The following OSBPL1A variants were observed in gnomAD, a reference collection of about 807,000 sequenced individuals.
OSBPL1A encodes oxysterol binding protein like 1A.
A neutral mutation model predicts 137.1 loss-of-function variants in OSBPL1A; 80 were observed. The observed-to-expected ratio is 0.58, with a 90% confidence interval of 0.49 to 0.70. The LOEUF is 0.70. OSBPL1A is among the 30% of genes least tolerant of loss of function. The pLI, the probability that OSBPL1A is intolerant of heterozygous loss-of-function variation, is 0.00. For missense variants in OSBPL1A, 970 were observed against 1,129.4 expected, an observed-to-expected ratio of 0.86 and a Z score of 2.02; for synonymous variants, 365 against 389.7, an observed-to-expected ratio of 0.94 and a Z score of 0.75.
At chr18:24,198,647 G>A (rs758496337) in intron 17 of OSBPL1A, among the ~76,000 whole-genome samples, 1 of 151,754 alleles carries the variant, frequency 6.6e-6, no homozygotes, top group Non-Finnish European at 1.5e-5. Flanking sequence ...GAGAAACACC[G>A]GCCCACGAGA....
chr18:24,166,828 T>C, intron 25 of OSBPL1A, 126 bp from the exon 26 acceptor site: 1 of 971,660 alleles, frequency 1.0e-6, no homozygotes. Flanking sequence ...ATGGTCAGTC[T>C]TTCTCAGATC....
chr18:24,230,877 T>C (rs760165700), intron 16 of OSBPL1A, among the ~76,000 whole-genome samples: 1 of 152,208 alleles, frequency 6.6e-6, no homozygotes, highest in Non-Finnish European at 1.5e-5. Flanking sequence ...ATACTCTTGA[T>C]AAGCACTTAT....
At chr18:24,177,625 A>G (rs183843348) in intron 21 of OSBPL1A, among the ~76,000 whole-genome samples, 9 of 152,362 alleles carry the variant, frequency 5.9e-5, no homozygotes, top group African/African-American at 2.2e-4. Flanking sequence ...CAATTTATCT[A>G]ACGCCTAACA....
intron 15 of OSBPL1A, among the ~76,000 whole-genome samples, chr18:24,261,995 C>T (rs2089454539): frequency 6.6e-6 from 1 of 152,172 alleles, no homozygotes; most frequent in South Asian, 2.1e-4. Flanking sequence ...CTAAGACACA[C>T]CAAAATCCTG....
chr18:24,370,709 C>G (rs1905555149), intron 2 of OSBPL1A, among the ~76,000 whole-genome samples: 1 of 152,180 alleles, frequency 6.6e-6, no homozygotes. Flanking sequence ...CCTCTATCAC[C>G]CAGGCTATAG....
At chr18:24,218,036 G>T (rs1199184111) in intron 17 of OSBPL1A, among the ~76,000 whole-genome samples, 8 of 152,148 alleles carry the variant, frequency 5.3e-5, no homozygotes. Flanking sequence ...GGGGAGGGAA[G>T]AGGAAACCTG....
At chr18:24,393,825 G>T (rs978476048) in intron 1 of OSBPL1A, among the ~76,000 whole-genome samples, 2 of 152,160 alleles carry the variant, frequency 1.3e-5, no homozygotes, top group African/African-American at 4.8e-5. Context: ...GTGTTCCTGT[G>T]TAAGCACTGA....
chr18:24,352,303 AAAAC>A (rs1453459224), intron 4 of OSBPL1A, among the ~76,000 whole-genome samples: 1 of 152,186 alleles, frequency 6.6e-6, no homozygotes, highest in African/African-American at 2.4e-5. Flanking sequence ...CCCTGTCTCA[AAAAC>A]AAACAAACAA....
At chr18:24,257,697 C>T (rs1393561543) in intron 15 of OSBPL1A, among the ~76,000 whole-genome samples, 1 of 151,970 alleles carries the variant, frequency 6.6e-6, no homozygotes, top group Non-Finnish European at 1.5e-5. Context: ...AGACAACCCA[C>T]AAAATTATAA....
chr18:24,246,566 G>A (rs535070682), intron 15 of OSBPL1A, among the ~76,000 whole-genome samples: 14 of 152,104 alleles, frequency 9.2e-5, no homozygotes, highest in African/African-American at 2.4e-4. Context: ...AGAGGTGGGC[G>A]GATCACCGGA....
intron 17 of OSBPL1A, among the ~76,000 whole-genome samples, chr18:24,200,720 A>T (rs952236635): frequency 7.9e-5 from 12 of 152,204 alleles, no homozygotes; most frequent in African/African-American, 2.9e-4. Flanking sequence ...TTTCAAGAAT[A>T]GCGTGGGGAA....
chr18:24,268,390 G>T (rs569915166), intron 15 of OSBPL1A, among the ~76,000 whole-genome samples: 7 of 152,058 alleles, frequency 4.6e-5, no homozygotes, highest in Admixed American at 4.6e-4. Context: ...AAAATGCTGC[G>T]ATTACAGGTG....
intron 23 of OSBPL1A, among the ~76,000 whole-genome samples, chr18:24,170,997 C>T (rs2145909535): frequency 6.6e-6 from 1 of 150,972 alleles, no homozygotes; most frequent in African/African-American, 2.4e-5. Context: ...AAAGATTCTT[C>T]AACTTATTAG....
intron 15 of OSBPL1A, among the ~76,000 whole-genome samples, chr18:24,262,356 C>T (rs1036261140): frequency 6.6e-6 from 1 of 151,876 alleles, no homozygotes; most frequent in African/African-American, 2.4e-5. Context: ...TCACTAGCCA[C>T]AGATTTGTAT....
At chr18:24,315,384 T>C (rs2090700153) in intron 11 of OSBPL1A, among the ~76,000 whole-genome samples, 2 of 151,656 alleles carry the variant, frequency 1.3e-5, no homozygotes, top group African/African-American at 4.9e-5. Context: ...CACACACACA[T>C]AGAAGCAGCT....
chr18:24,235,035 T>A (rs2088418151), intron 16 of OSBPL1A, among the ~76,000 whole-genome samples: 1 of 152,044 alleles, frequency 6.6e-6, no homozygotes, highest in South Asian at 2.1e-4. Context: ...GGCAGTAGGG[T>A]CTGGATCATG....
intron 2 of OSBPL1A, among the ~76,000 whole-genome samples, chr18:24,369,378 GCCCAAAAGCTT>G (rs950432598): frequency 7.2e-4 from 109 of 152,306 alleles, no homozygotes; most frequent in Middle Eastern, 3.4e-3. Flanking sequence ...AGCTGAGGAA[GCCCAAAAGCTT>G]CCCAAAATTC....
intron 4 of OSBPL1A, among the ~76,000 whole-genome samples, chr18:24,360,142 T>C (rs2091600312): frequency 6.6e-6 from 1 of 152,194 alleles, no homozygotes; most frequent in South Asian, 2.1e-4. Flanking sequence ...CTAATTTTTT[T>C]GTATTTTTAG....
intron 7 of OSBPL1A, among the ~76,000 whole-genome samples, chr18:24,322,373 G>A (rs1485570143): frequency 1.3e-5 from 2 of 151,664 alleles, no homozygotes; most frequent in Non-Finnish European, 2.9e-5. Context: ...TGCCCGCCTG[G>A]GCCTCCCAAA....
Sources: gnomAD v4.1 joint callset for allele counts (sites outside exome capture counted in the v4.1 genomes callset) on GRCh38, gnomAD v4.1.1 for gene constraint, MANE v1.5 for transcripts, NCBI Gene and HGNC (gene_info 2026-07-23, HGNC 2026-07-21) for gene names.